The following COMMD7 variants were observed in gnomAD, a reference collection of about 807,000 sequenced individuals.
COMMD7 encodes COMM domain-containing protein 7.
In COMMD7, 28 loss-of-function variants were observed where a neutral mutation model predicts 34.8. That is an observed-to-expected ratio of 0.80 (90% CI 0.60 to 1.10). COMMD7 has a LOEUF of 1.10. Ranked by LOEUF, COMMD7 falls within the 50% of genes least tolerant of loss-of-function variation. COMMD7 has a pLI of 0.00. For missense variants in COMMD7, 211 were observed against 241.6 expected (o/e 0.87, Z 0.84); for synonymous variants, 80 against 86.4 (o/e 0.93, Z 0.41).
At chr20:32,738,763 G>A (rs1986275220) in intron 1 of COMMD7, among the ~76,000 whole-genome samples, 1 of 151,746 alleles carries the variant, frequency 6.6e-6, no homozygotes, top group South Asian at 2.1e-4. Context: ...AACAGGGTCT[G>A]GTCTGTTCTC....
intron 1 of COMMD7, among the ~76,000 whole-genome samples, chr20:32,740,274 G>A (rs977886501): frequency 6.7e-6 from 1 of 148,644 alleles, no homozygotes; most frequent in Admixed American, 6.7e-5. Flanking sequence ...CCGAGATCAC[G>A]CCACTGCACT....
chr20:32,734,140 C>G (rs1986005864), intron 1 of COMMD7, among the ~76,000 whole-genome samples: 1 of 147,298 alleles, frequency 6.8e-6, no homozygotes, highest in African/African-American at 2.5e-5. Context: ...CAGATCACAC[C>G]ACTGCACTCC....
chr20:32,705,199 A>G (rs1029964559), intron 5 of COMMD7, among the ~76,000 whole-genome samples: 3 of 151,888 alleles, frequency 2.0e-5, no homozygotes, highest in African/African-American at 4.8e-5. Context: ...CTACTAGACA[A>G]TTGCAAGATG....
At chr20:32,713,459 A>C (rs1453729156) in intron 3 of COMMD7, among the ~76,000 whole-genome samples, 1 of 152,220 alleles carries the variant, frequency 6.6e-6, no homozygotes, top group Non-Finnish European at 1.5e-5. Flanking sequence ...CAGTTTTGCC[A>C]AGACGGTTGG....
At chr20:32,726,756 AAAG>A (rs1269206949) in intron 3 of COMMD7, among the ~76,000 whole-genome samples, 2 of 152,128 alleles carry the variant, frequency 1.3e-5, no homozygotes, top group African/African-American at 4.8e-5. Context: ...TCATGACAGC[AAAG>A]AAGGCAAGAA....
intron 3 of COMMD7, among the ~76,000 whole-genome samples, chr20:32,714,646 A>C (rs2145729552): frequency 6.7e-6 from 1 of 150,000 alleles, no homozygotes; most frequent in East Asian, 2.0e-4. Context: ...CAATACGGTG[A>C]AACCTCGTCT....
At chr20:32,742,313 A>C (rs1348294642) in intron 1 of COMMD7, among the ~76,000 whole-genome samples, 2 of 152,160 alleles carry the variant, frequency 1.3e-5, no homozygotes, top group Non-Finnish European at 2.9e-5. Flanking sequence ...TCCTGTCGTT[A>C]CAAGTTCTAA....
At chr20:32,718,934 G>A (rs1984985738) in intron 3 of COMMD7, among the ~76,000 whole-genome samples, 1 of 152,118 alleles carries the variant, frequency 6.6e-6, no homozygotes, top group Admixed American at 6.6e-5. Flanking sequence ...TGCGGGGAGA[G>A]TATTTCTGAC....
At chr20:32,729,187 T>TA (rs1186112502) in intron 1 of COMMD7, among the ~76,000 whole-genome samples, 4 of 148,096 alleles carry the variant, frequency 2.7e-5, no homozygotes, top group Non-Finnish European at 4.5e-5. Context: ...TTTTTTTTTT[T>TA]AGATGGAGTC....
intron 1 of COMMD7, among the ~76,000 whole-genome samples, chr20:32,736,227 T>TCCTTG (rs1986123687): frequency 1.3e-5 from 2 of 152,154 alleles, no homozygotes; most frequent in African/African-American, 4.8e-5. Context: ...TTCGTTTTAC[T>TCCTTG]ACTTGAGGCC....
At position 32,724,788 on chromosome 20, in the gene COMMD7, G is replaced by A. The variant is rs1258501616; in HGVS notation, c.241+3105C>T. Among the ~76,000 whole-genome samples, 56 of 17,576 alleles carry A rather than the reference G, an allele frequency of 3.2e-3. 9 individuals are homozygous for A. The highest frequency in any genetic ancestry group is 0.011 in the African/African-American group (54 of 5,074). The allele number at this position is 17,576 out of a possible 152,430, so 11.5% of individuals were successfully genotyped here. A position where few individuals can be genotyped will look rare whatever the true frequency, so the allele number is the denominator to read the frequency against. ...ACCAATCCCTAATCTCAAGTAATCA[G>A]GGACACAAACACTGCGGAAGGCCGC... On this transcript the variant is annotated intron_variant, in intron 3 of 8. Coordinates refer to ENST00000278980, the MANE Select transcript of COMMD7 (RefSeq NM_053041.3).
At chr20:32,717,178 C>T (rs535467946) in intron 3 of COMMD7, among the ~76,000 whole-genome samples, 111 of 151,934 alleles carry the variant, frequency 7.3e-4, no homozygotes, top group African/African-American at 2.5e-3. Context: ...TTTTTAGAGA[C>T]AGGGTCTTCC....
intron 3 of COMMD7, among the ~76,000 whole-genome samples, chr20:32,708,652 G>T (rs181564352): frequency 4.5e-5 from 5 of 110,932 alleles, no homozygotes; most frequent in African/African-American, 7.0e-5. Context: ...CTTTATTATT[G>T]TAACTTTTTT....
intron 3 of COMMD7, among the ~76,000 whole-genome samples, chr20:32,716,256 T>C (rs1377393402): frequency 6.6e-6 from 1 of 152,176 alleles, no homozygotes; most frequent in East Asian, 1.9e-4. Context: ...GGAAATTCCT[T>C]TTTTTCTTTT....
rs1983863667 is a variant in COMMD7, at chr20:32,703,393, A to G, written c.592T>C (p.Cys198Arg). The G allele has an allele frequency of 6.2e-7, 1 of 1,613,320 alleles. No individual in the cohort carries two copies. Among genetic ancestry groups the G allele is most frequent in the Non-Finnish European group, 8.5e-7 (1 of 1,179,884 alleles). Residue 198 changes from cysteine to arginine, a missense_variant, in exon 9 of 9, where the codon TGT becomes CGT. Transcript: ENST00000278980. ...EMERVRTSME[C>R]FC ...TGCAGGGACAGAAATCAGCAGAAACACTCCATGCTGGTTCTGACTCGCTCC... is the reference window on the plus strand; with the variant it reads ...TGCAGGGACAGAAATCAGCAGAAACGCTCCATGCTGGTTCTGACTCGCTCC...
In COMMD7 at chr20:32,704,460, C is replaced by A; in HGVS notation, c.457G>T (p.Val153Leu). The change falls in exon 7 of 9, where the codon GTG becomes TTG. Residue 153 changes from valine to leucine, a missense_variant. Transcript: ENST00000278980. Reference sequence around the variant, plus strand: ...CTTACTTGTAAAAATATACTTCCCACTTTCTCCAATTCGCTGCTCCCAGAT... The same window carrying A: ...CTTACTTGTAAAAATATACTTCCCAATTTCTCCAATTCGCTGCTCCCAGAT... ...VTSGSSELEK[V>L]GSIFLQLKLV... The A allele has an allele frequency of 6.2e-7, 1 of 1,609,842 alleles. No homozygotes were observed.
intron 1 of COMMD7, among the ~76,000 whole-genome samples, chr20:32,731,429 G>A (rs1985833185): frequency 6.6e-6 from 1 of 152,170 alleles, no homozygotes; most frequent in South Asian, 2.1e-4. Context: ...CCAGGAGCTT[G>A]AGGCTGCAGC....
rs1471992920 is a variant in COMMD7 at position 32,703,791 on chromosome 20, C to T, written c.526+232G>A. The T allele has an allele frequency of 2.0e-6, 3 of 1,525,506 alleles. No individual in the cohort carries two copies. The highest frequency in any genetic ancestry group is 1.4e-5 in the African/African-American group (1 of 72,506). 94.5% of individuals were successfully genotyped at this position (1,525,506 alleles called of 1,614,324 possible). On this transcript the variant is annotated intron_variant, in intron 8 of 8. Transcript: ENST00000278980. ...TTCTTCAATCCCAGCCATTCCGTTC[C>T]CACCCTTTCCCTTTTTCAAAACGGC...
intron 1 of COMMD7, among the ~76,000 whole-genome samples, chr20:32,730,416 G>A (rs917670871): frequency 4.6e-5 from 7 of 152,112 alleles, no homozygotes; most frequent in Non-Finnish European, 7.3e-5. Flanking sequence ...TTAGCCAGGC[G>A]TGGTGGTGCG....
Sources: allele counts gnomAD v4.1 joint callset (sites outside exome capture counted in the v4.1 genomes callset), GRCh38; gene constraint gnomAD v4.1.1; transcripts MANE v1.5; gene names NCBI Gene and HGNC (gene_info 2026-07-23, HGNC 2026-07-21).